RNF34: variants seen among roughly 807,000 people sequenced by gnomAD.
RNF34 encodes E3 ubiquitin-protein ligase RNF34.
A neutral mutation model predicts 37.9 loss-of-function variants in RNF34; 12 were observed. The observed-to-expected ratio is 0.32, with a 90% CI of 0.20 to 0.51. The LOEUF (loss-of-function observed/expected upper bound fraction) is 0.51. Among genes scored for constraint, RNF34 ranks in the 20% least tolerant of loss-of-function variants. The probability of loss-of-function intolerance (pLI) is 0.97; values close to 1 mark genes in which losing one functional copy is unlikely to be tolerated. For missense variants in RNF34, 362 were observed against 472.7 expected (o/e 0.77, Z 2.17); for synonymous variants, 155 against 177.2 (o/e 0.87, Z 1.00).
chr12:121,402,704 C>G (rs945084292), intron 1 of RNF34: 20 of 1,326,902 alleles, frequency 1.5e-5, no homozygotes, highest in Non-Finnish European at 2.1e-5. Context: ...AAGTAATCTA[C>G]TGAATGTAAT....
At chr12:121,415,794 G>C (rs1555282068) in intron 1 of RNF34, among the ~76,000 whole-genome samples, 1 of 146,296 alleles carries the variant, frequency 6.8e-6, no homozygotes, top group Non-Finnish European at 1.5e-5. Flanking sequence ...AGAATTTTTA[G>C]TATATGCATA....
chr12:121,421,371 TAAAAAAA>T (rs11398833), intron 5 of RNF34, among the ~76,000 whole-genome samples: 2 of 46,378 alleles, frequency 4.3e-5, no homozygotes, highest in African/African-American at 6.8e-5. Context: ...ATCCCATCTC[TAAAAAAA>T]AAAAAAAAAA....
intron 1 of RNF34, among the ~76,000 whole-genome samples, chr12:121,411,826 A>G (rs1240910637): frequency 6.6e-6 from 1 of 152,142 alleles, no homozygotes; most frequent in Non-Finnish European, 1.5e-5. Flanking sequence ...AAGCTAAGAG[A>G]GCTGTTGGTT....
intron 1 of RNF34, among the ~76,000 whole-genome samples, chr12:121,411,058 C>T (rs1335371853): frequency 6.6e-6 from 1 of 152,028 alleles, no homozygotes; most frequent in Non-Finnish European, 1.5e-5. Flanking sequence ...CCTCAGCCTC[C>T]GAGTAGCTGG....
intron 1 of RNF34, among the ~76,000 whole-genome samples, chr12:121,406,085 G>A (rs1191581861): frequency 1.3e-5 from 2 of 152,090 alleles, no homozygotes; most frequent in Non-Finnish European, 2.9e-5. Context: ...CACCGTGCCC[G>A]GCCTGTCTTA....
intron 5 of RNF34, among the ~76,000 whole-genome samples, chr12:121,422,051 C>G (rs1017098707): frequency 6.6e-6 from 1 of 152,210 alleles, no homozygotes; most frequent in Non-Finnish European, 1.5e-5. Flanking sequence ...AAATGGTTTT[C>G]TGGCAGTGAG....
At chr12:121,400,348 T>A in intron 1 of RNF34, 130 bp downstream of exon 1, 2 of 1,155,366 alleles carry the variant, frequency 1.7e-6, no homozygotes, top group Non-Finnish European at 2.4e-6. Context: ...CTGAGGGGGG[T>A]CGCTTGCCCG....
At chr12:121,402,674 A>C in intron 1 of RNF34, 2 of 1,001,710 alleles carry the variant, frequency 2.0e-6, no homozygotes, top group Non-Finnish European at 3.0e-6. Flanking sequence ...TTCCAAGCTC[A>C]AAATGAGATA....
intron 1 of RNF34, among the ~76,000 whole-genome samples, chr12:121,414,841 C>T (rs1262950448): frequency 1.3e-5 from 2 of 152,194 alleles, no homozygotes; most frequent in Non-Finnish European, 2.9e-5. Context: ...TGCCTGTAAT[C>T]CCAGCACTTC....
At chr12:121,405,624 C>T (rs1476620061) in intron 1 of RNF34, among the ~76,000 whole-genome samples, 2 of 151,958 alleles carry the variant, frequency 1.3e-5, no homozygotes, top group African/African-American at 4.8e-5. Context: ...GCTAGGATTA[C>T]AGGCATCCAC....
intron 1 of RNF34, among the ~76,000 whole-genome samples, chr12:121,407,122 G>C (rs1215869776): frequency 1.3e-5 from 2 of 151,924 alleles, no homozygotes; most frequent in Admixed American, 6.6e-5. Flanking sequence ...TTAGAAAAAG[G>C]GTTATACTTC....
chr12:121,416,275 T>G lies in RNF34; in HGVS notation c.123T>G (p.Phe41Leu), dbSNP rs1871565017. 6.2e-7 allele frequency: 1 copy of G among 1,614,016 alleles called. No homozygotes were observed. The highest frequency in any genetic ancestry group is 1.3e-5 in the African/African-American group (1 of 74,902). The change falls in exon 2 of 6, where the codon TTT becomes TTG. Residue 41 changes from phenylalanine to leucine, a missense_variant. Transcript: ENST00000361234. The part of the protein sequence containing the change: ...AFAGATGPFR[F>L]TPNPEFSTYP... ...CAGGAGCCACCGGTCCATTCAGATT[T>G]ACACCAAACCCTGAGTTTTCCACCT...
At chr12:121,421,265 G>A (rs1372522809) in intron 5 of RNF34, among the ~76,000 whole-genome samples, 2 of 150,414 alleles carry the variant, frequency 1.3e-5, no homozygotes, top group African/African-American at 4.9e-5. Context: ...GGCTGGGCTT[G>A]GTGGCTCACA....
chr12:121,404,074 G>A (rs185775166), intron 1 of RNF34, among the ~76,000 whole-genome samples: 1 of 151,566 alleles, frequency 6.6e-6, no homozygotes, highest in African/African-American at 2.4e-5. Flanking sequence ...GAGTGCAGTG[G>A]CACGATCTCA....
At chr12:121,411,278 CA>C (rs142305118) in intron 1 of RNF34, among the ~76,000 whole-genome samples, 1,884 of 152,088 alleles carry the variant, frequency 0.012, 45 homozygotes, top group African/African-American at 0.043. Flanking sequence ...TGTTTTTCTT[CA>C]TTTTCTTTCT....
intron 1 of RNF34, among the ~76,000 whole-genome samples, chr12:121,404,387 CTTTTTTTTTTTTTT>C (rs782225104): frequency 1.5e-5 from 1 of 65,824 alleles, no homozygotes; most frequent in African/African-American, 7.4e-5. Flanking sequence ...GTCATTTAAT[CTTTTTTTTTTTTTT>C]TTTTTTTTTT....
At chr12:121,401,631 T>C (rs1870007154) in intron 1 of RNF34, among the ~76,000 whole-genome samples, 1 of 152,166 alleles carries the variant, frequency 6.6e-6, no homozygotes, top group Non-Finnish European at 1.5e-5. Context: ...TCTTTATATA[T>C]AATGCCTCGA....
intron 5 of RNF34, among the ~76,000 whole-genome samples, chr12:121,421,092 C>A (rs541967110): frequency 6.6e-6 from 1 of 152,182 alleles, no homozygotes; most frequent in South Asian, 2.1e-4. Context: ...CTTATTTTCT[C>A]ACTAATGCCT....
At chr12:121,402,829 C>T in intron 1 of RNF34, 1 of 1,518,314 alleles carries the variant, frequency 6.6e-7, no homozygotes, top group Non-Finnish European at 9.1e-7. Flanking sequence ...ATCTATAGCA[C>T]ATGTTATTGT....
Sources: gnomAD v4.1 joint callset for allele counts (sites outside exome capture counted in the v4.1 genomes callset) on GRCh38, gnomAD v4.1.1 for gene constraint, MANE v1.5 for transcripts, NCBI Gene and HGNC (gene_info 2026-07-23, HGNC 2026-07-21) for gene names.